Variants in NEFH observed in about 807,000 individuals in gnomAD.
NEFH encodes neurofilament heavy chain.
NEFH carries 58 observed loss-of-function variants against 56.6 expected under a neutral mutation model. The ratio of observed to expected loss-of-function variants is 1.03; its 90% CI spans 0.83 to 1.28. NEFH has a LOEUF of 1.28. Among genes scored for constraint, NEFH ranks in the 50% most tolerant of loss-of-function variants. NEFH has a pLI of 0.00. For synonymous variants in NEFH, 542 were observed against 545.8 expected (o/e 0.99, Z 0.10); for missense variants, 1,221 against 1,307.6 (o/e 0.93, Z 1.02).
Position 29,490,315 on chromosome 22 carries a change from C to G in NEFH, c.2675C>G (p.Ala892Gly). The G allele has an allele frequency of 6.2e-7, 1 of 1,612,832 alleles. No homozygotes were observed. Among genetic ancestry groups the G allele is most frequent in the Non-Finnish European group, 8.5e-7 (1 of 1,179,554 alleles). The part of the protein sequence containing the change: ...VEKPKESKVE[A>G]KKEEAEDKKK... ...AAGCCCAAAGAATCCAAAGTTGAAGCCAAGAAGGAAGAGGCTGAAGATAAG... is the reference window on the plus strand; with the variant it reads ...AAGCCCAAAGAATCCAAAGTTGAAGGCAAGAAGGAAGAGGCTGAAGATAAG... Residue 892 changes from alanine (A) to glycine (G), a missense_variant, in exon 4 of 4, where the codon GCC becomes GGC. Transcript: ENST00000310624.
chr22:29,480,970 A>AGAGGTGGGC lies in NEFH; in HGVS notation c.712_720dup (p.Val238_Glu240dup). 6.5e-7 allele frequency: 1 copy of AGAGGTGGGC among 1,531,434 alleles called. No individual in the cohort carries two copies. Among genetic ancestry groups the AGAGGTGGGC allele is most frequent in the Non-Finnish European group, 8.7e-7 (1 of 1,145,412 alleles). The allele number at this position is 1,531,434 out of a possible 1,614,324, so 94.9% of individuals were successfully genotyped here. A position where few individuals can be genotyped will look rare whatever the true frequency, so the allele number is the denominator to read the frequency against. ...GCTACCTGCGGCGCCACCACCAGGA[A>AGAGGTGGGC]GAGGTGGGCGAGCTGCTCGGCCAGA... On this transcript the variant is annotated inframe_insertion, in exon 1 of 4. Transcript: ENST00000310624.
chr22:29,482,814 C>A (rs1457164828), intron 1 of NEFH, among the ~76,000 whole-genome samples: 2 of 152,198 alleles, frequency 1.3e-5, no homozygotes, highest in Non-Finnish European at 2.9e-5. Context: ...GGATCCCACA[C>A]TGGGGGAGAC....
intron 3 of NEFH, among the ~76,000 whole-genome samples, chr22:29,488,509 C>G (rs1201577185): frequency 6.6e-6 from 1 of 152,128 alleles, no homozygotes; most frequent in African/African-American, 2.4e-5. Context: ...CTCTTGAGGG[C>G]CATTTTTTAT....
chr22:29,487,368 TG>T (rs547639378), intron 3 of NEFH, among the ~76,000 whole-genome samples: 155 of 152,076 alleles, frequency 1.0e-3, no homozygotes, highest in African/African-American at 3.1e-3. Context: ...TAGTGACTCA[TG>T]CCTGTAATCC....
chr22:29,484,664 A>T (rs965488701), intron 2 of NEFH, among the ~76,000 whole-genome samples: 6 of 151,970 alleles, frequency 3.9e-5, no homozygotes, highest in South Asian at 2.1e-4. Context: ...AAGAAAATTT[A>T]AAAAAATTAA....
intron 3 of NEFH, among the ~76,000 whole-genome samples, chr22:29,488,641 C>G (rs1470952230): frequency 1.3e-5 from 2 of 151,980 alleles, no homozygotes; most frequent in Admixed American, 1.3e-4. Flanking sequence ...AAAAAAAGAC[C>G]AGTCCCACCG....
chr22:29,486,813 G>A (rs2063047506), intron 3 of NEFH, among the ~76,000 whole-genome samples: 1 of 152,174 alleles, frequency 6.6e-6, no homozygotes, highest in African/African-American at 2.4e-5. Flanking sequence ...GTGAGCCACT[G>A]TGCCCAGCCA....
At position 29,480,472 on chromosome 22, in the gene NEFH, C is replaced by T. The variant is rs1313923036; in HGVS notation, c.210C>T (p.Ala70=). The change falls in exon 1 of 4, where the codon GCC becomes GCT. Residue 70 remains alanine (A), a synonymous_variant. Coordinates refer to ENST00000310624, the MANE Select transcript of NEFH (RefSeq NM_021076.4). ...ASPSRFRGAG[A]ASSTDSLDTL... The stretch of plus-strand genomic sequence containing the variant: ...CCAGCCGCTTCCGTGGCGCAGGCGC[C>T]GCCTCAAGCACCGACTCGCTGGACA... 2 of 1,532,804 alleles carry T rather than the reference C, an allele frequency of 1.3e-6. No homozygotes were observed. The highest frequency in any genetic ancestry group is 1.7e-6 in the Non-Finnish European group (2 of 1,146,070). 95.0% of individuals were successfully genotyped at this position (1,532,804 alleles called of 1,614,324 possible). A position where few individuals can be genotyped will look rare whatever the true frequency, so the allele number is the denominator to read the frequency against.
chr22:29,481,282 G>T, intron 1 of NEFH, 137 bp downstream of exon 1: 2 of 845,228 alleles, frequency 2.4e-6, no homozygotes, highest in East Asian at 5.6e-5. Context: ...CAAAGTGCAT[G>T]CCCCTAGTTA....
rs555103444 is a variant in NEFH, at chr22:29,488,022, C to T, written c.1209-827C>T. Among the ~76,000 whole-genome samples, 123 of 152,180 alleles carry T rather than the reference C, an allele frequency of 8.1e-4. 2 individuals carry two copies. The South Asian group carries it at 0.025, about 31-fold the overall frequency. ...AATACAGGGTGATGAGAGACACTCG[C>T]GATTCAAATGGGAGCGTTCTAAGAC... On this transcript the variant is annotated intron_variant, in intron 3 of 3. Coordinates refer to ENST00000310624, the MANE Select transcript of NEFH (RefSeq NM_021076.4).
chr22:29,480,600 A>T lies in NEFH; in HGVS notation c.338A>T (p.Asp113Val), dbSNP rs781274093. ...AACGACCGCTTCGCCGGGTACATCG[A>T]CAAGGTGCGGCAGCTGGAGGCGCAC... ...ALNDRFAGYI[D>V]KVRQLEAHNR... The change falls in exon 1 of 4, where the codon GAC (aspartate) becomes GTC (valine). Residue 113 changes from aspartate to valine, a missense_variant. By Grantham distance (152) the Asp-to-Val change is radical. Coordinates refer to ENST00000310624, the MANE Select transcript of NEFH (RefSeq NM_021076.4). The T allele has an allele frequency of 7.7e-6, 12 of 1,563,482 alleles. No homozygotes were observed. Among genetic ancestry groups the T allele is most frequent in the Non-Finnish European group, 1.0e-5 (12 of 1,163,832 alleles).
chr22:29,480,305 T>C lies in NEFH; in HGVS notation c.43T>C (p.Phe15Leu). 6.6e-7 allele frequency: 1 copy of C among 1,506,884 alleles called. No individual in the cohort carries two copies. The highest frequency in any genetic ancestry group is 8.8e-7 in the Non-Finnish European group (1 of 1,137,754). The allele number at this position is 1,506,884 out of a possible 1,614,324, so 93.3% of individuals were successfully genotyped here. A position where few individuals can be genotyped will look rare whatever the true frequency, so the allele number is the denominator to read the frequency against. Residue 15 changes from phenylalanine to leucine, a missense_variant, in exon 1 of 4, where the codon TTC (phenylalanine) becomes CTC (leucine). By Grantham distance (22) the Phe-to-Leu change is conservative. Coordinates refer to ENST00000310624, the MANE Select transcript of NEFH (RefSeq NM_021076.4). ...GGADALLGAP[F>L]APLHGGGSLH... ...CGCGGACGCGCTGCTGGGCGCCCCGTTCGCGCCGCTGCATGGCGGCGGCAG... is the reference window on the plus strand; with the variant it reads ...CGCGGACGCGCTGCTGGGCGCCCCGCTCGCGCCGCTGCATGGCGGCGGCAG...
At position 29,489,163 on chromosome 22, in the gene NEFH, A is replaced by C; in HGVS notation, c.1523A>C (p.Glu508Ala). 6.2e-7 allele frequency: 1 copy of C among 1,614,054 alleles called. No individual in the cohort carries two copies. The highest frequency in any genetic ancestry group is 8.5e-7 in the Non-Finnish European group (1 of 1,179,934). The change falls in exon 4 of 4, where the codon GAG becomes GCG. Residue 508 changes from glutamate to alanine, a missense_variant. Transcript: ENST00000310624. Reference protein sequence around the residue: ...EEETKSPPAEEAASPEKEAKS... With the variant: ...EEETKSPPAEAAASPEKEAKS... ...GAAACAAAGTCTCCCCCAGCAGAAG[A>C]GGCTGCATCCCCAGAGAAGGAAGCC... is the stretch of plus-strand genomic sequence containing the variant.
Position 29,480,237 on chromosome 22 carries a change from C to A in NEFH, c.-26C>A. The stretch of plus-strand genomic sequence containing the variant: ...GCTGCCGCAGTGCCTCCCGCCCCGT[C>A]CCGGCCTCGCGCACCTGCTCAGGCC... On this transcript the variant is annotated 5_prime_UTR_variant, in exon 1 of 4. Transcript: ENST00000310624. 1.3e-6 allele frequency: 2 copies of A among 1,495,910 alleles called. No individual in the cohort carries two copies. The highest frequency in any genetic ancestry group is 1.3e-5 in the South Asian group (1 of 79,636). 92.7% of individuals were successfully genotyped at this position (1,495,910 alleles called of 1,614,324 possible). A position where few individuals can be genotyped will look rare whatever the true frequency, so the allele number is the denominator to read the frequency against.
intron 2 of NEFH, among the ~76,000 whole-genome samples, chr22:29,485,455 C>A (rs186078359): frequency 2.4e-4 from 37 of 152,338 alleles, no homozygotes; most frequent in Admixed American, 2.2e-3. Context: ...CATTATCCTG[C>A]CAGCCAAACC....
At chr22:29,483,790 C>G (rs926415901) in intron 2 of NEFH, among the ~76,000 whole-genome samples, 5 of 141,230 alleles carry the variant, frequency 3.5e-5, no homozygotes, top group African/African-American at 8.1e-5. Context: ...AAAAAAAAAG[C>G]CTGCTTTGCA....
rs1052556899 is a variant in NEFH, at chr22:29,480,638, G to C, written c.376G>C (p.Glu126Gln). 1.3e-6 allele frequency: 2 copies of C among 1,563,358 alleles called. No individual in the cohort carries two copies. The highest frequency in any genetic ancestry group is 1.3e-5 in the African/African-American group (1 of 74,422). Residue 126 changes from glutamate (E) to glutamine (Q), a missense_variant, in exon 1 of 4, where the codon GAG (glutamate) becomes CAG (glutamine). Transcript: ENST00000310624. ...GCTGGAGGCGCACAACCGCAGCCTG[G>C]AGGGCGAGGCTGCGGCGCTGCGGCA... ...RQLEAHNRSLEGEAAALRQQQ... is the reference protein window; with the variant it reads ...RQLEAHNRSLQGEAAALRQQQ...
chr22:29,483,276 CAAAA>C (rs144426244), intron 1 of NEFH, 95 bp from the exon 2 acceptor site: 83 of 930,420 alleles, frequency 8.9e-5, no homozygotes, highest in South Asian at 1.1e-4. Flanking sequence ...GAATCCGTCT[CAAAA>C]AAAAAAAAAA....
chr22:29,485,264 C>T (rs2240636), intron 2 of NEFH, among the ~76,000 whole-genome samples: 1 of 151,920 alleles, frequency 6.6e-6, no homozygotes, highest in Admixed American at 6.6e-5. Flanking sequence ...CACCACATCC[C>T]GCTAATTTTT....
Sources: gnomAD v4.1 joint callset for allele counts (sites outside exome capture counted in the v4.1 genomes callset) on GRCh38, gnomAD v4.1.1 for gene constraint, MANE v1.5 for transcripts, NCBI Gene and HGNC (gene_info 2026-07-23, HGNC 2026-07-21) for gene names.